ACTR8: variants seen among roughly 807,000 people sequenced by gnomAD.
The protein encoded by ACTR8 is actin related protein 8, also known as actin-related protein 8.
Under a neutral mutation model 84.3 loss-of-function variants are expected in ACTR8, and 70 were observed. The observed-to-expected ratio is 0.83, with a 90% CI of 0.68 to 1.01. The LOEUF (loss-of-function observed/expected upper bound fraction) is 1.01. Ranked by LOEUF, ACTR8 falls within the 50% of genes least tolerant of loss-of-function variation. The pLI is 0.00. For synonymous variants in ACTR8, 268 were observed against 275.2 expected (o/e 0.97, Z 0.26); for missense variants, 672 against 775.4 (o/e 0.87, Z 1.58).
In ACTR8 at chr3:53,880,088, T is replaced by A; in HGVS notation, c.145A>T (p.Ile49Phe). The change falls in exon 2 of 13, where the codon ATT becomes TTT. Residue 49 changes from isoleucine to phenylalanine, a missense_variant. Transcript: ENST00000335754. Reference protein sequence around the residue: ...LQEQIQSNFIIVIHPGSTTLR... With the variant: ...LQEQIQSNFIFVIHPGSTTLR... Reference sequence around the variant, plus strand: ...GTTGTTGAACCTGGATGTATGACAATGATGAAGTTGCTCTGGATTTGCTGC... The same window carrying A: ...GTTGTTGAACCTGGATGTATGACAAAGATGAAGTTGCTCTGGATTTGCTGC... 2 of 1,613,934 alleles carry A rather than the reference T, an allele frequency of 1.2e-6. No individual in the cohort carries two copies. Among genetic ancestry groups the A allele is most frequent in the Non-Finnish European group, 1.7e-6 (2 of 1,179,808 alleles).
the ACTR8 span, chr3:53,860,227 C>G: frequency 6.2e-7 from 1 of 1,607,610 alleles, no homozygotes; most frequent in South Asian, 1.1e-5. Flanking sequence ...TGTGGAGGCA[C>G]GGTAAGGGTT....
At chr3:53,881,835 A>T (rs1315006661) in intron 1 of ACTR8, 144 bp downstream of exon 1, 5 of 1,367,020 alleles carry the variant, frequency 3.7e-6, no homozygotes, top group Non-Finnish European at 4.9e-6. Context: ...CACCACCCGG[A>T]AAAGAACGAC....
intron 9 of ACTR8, 104 bp downstream of exon 9, chr3:53,872,928 G>A: frequency 1.1e-6 from 1 of 908,422 alleles, no homozygotes; most frequent in Non-Finnish European, 1.7e-6. Context: ...ACAATCAGTT[G>A]ACATTCTGAT....
intron 1 of ACTR8, among the ~76,000 whole-genome samples, chr3:53,880,706 C>T (rs1410349515): frequency 6.6e-6 from 1 of 152,212 alleles, no homozygotes; most frequent in East Asian, 1.9e-4. Context: ...TAACTCCAGA[C>T]ATCCTAATCT....
At position 53,879,915 on chromosome 3, in the gene ACTR8, C is replaced by A. The variant is rs759409419; in HGVS notation, c.294+24G>T. 4 of 1,589,582 alleles carry A rather than the reference C, an allele frequency of 2.5e-6. No individual in the cohort carries two copies. In the African/African-American group the frequency reaches 5.4e-5, roughly 21 times the overall value. ...TCCCAGGGAAACAACCTTAGGCTTT[C>A]TCTCCAGGTCGTTTTTGACTTACAT... On this transcript the variant is annotated intron_variant, in intron 2 of 12. Coordinates refer to ENST00000335754, the MANE Select transcript of ACTR8 (RefSeq NM_022899.5).
chr3:53,859,023 C>T, the ACTR8 span: 1 of 490,168 alleles, frequency 2.0e-6, no homozygotes, highest in East Asian at 3.2e-5. Flanking sequence ...TTTGTAAAAC[C>T]ACTCGTGACT....
At chr3:53,881,793 C>G in intron 1 of ACTR8, 186 bp downstream of exon 1, 1 of 950,420 alleles carries the variant, frequency 1.1e-6, no homozygotes. Context: ...CCTGGCGCTC[C>G]GCACCTCCCA....
intron 7 of ACTR8, among the ~76,000 whole-genome samples, chr3:53,874,890 T>G (rs958613592): frequency 1.3e-5 from 2 of 152,216 alleles, no homozygotes; most frequent in African/African-American, 2.4e-5. Flanking sequence ...GTAGTCATGA[T>G]GTTTGCAAAA....
At chr3:53,869,866 C>T (rs761603656) in intron 12 of ACTR8, 116 bp downstream of exon 12, 16 of 1,253,184 alleles carry the variant, frequency 1.3e-5, no homozygotes, top group Non-Finnish European at 1.8e-5. Flanking sequence ...TTCCACTTGC[C>T]CTAAGCCCTC....
At chr3:53,863,226 G>T (rs541979198), downstream of ACTR8, among the ~76,000 whole-genome samples, 1 of 152,198 alleles carries the variant, frequency 6.6e-6, no homozygotes, top group South Asian at 2.1e-4. Context: ...GTTAAGTTGT[G>T]GGAAAATCAA....
At chr3:53,874,485 G>A in intron 7 of ACTR8, 121 bp from the exon 8 acceptor site, 1 of 1,062,286 alleles carries the variant, frequency 9.4e-7, no homozygotes, top group Non-Finnish European at 1.3e-6. Context: ...AGCACTTTGG[G>A]AGGCTGAGAT....
At chr3:53,881,545 C>A (rs984286906) in intron 1 of ACTR8, 4 of 233,578 alleles carry the variant, frequency 1.7e-5, no homozygotes, top group Non-Finnish European at 3.4e-5. Context: ...AGGAAAAAGC[C>A]TGGACCCCAA....
At position 53,868,772 on chromosome 3, in the gene ACTR8, A is replaced by T; in HGVS notation, c.1822T>A (p.Trp608Arg). 1 of 1,614,160 alleles carries T rather than the reference A, an allele frequency of 6.2e-7. No individual in the cohort carries two copies. Among genetic ancestry groups the T allele is most frequent in the Non-Finnish European group, 8.5e-7 (1 of 1,180,024 alleles). ...TQELWIYQREWQRFGVRMLRE... is the reference protein window; with the variant it reads ...TQELWIYQRERQRFGVRMLRE... ...AACATGCGGACACCAAAGCGCTGCC[A>T]CTCTCGCTGATAAATCCACAGTTCC... Residue 608 changes from tryptophan (W) to arginine (R), a missense_variant, in exon 13 of 13, where the codon TGG becomes AGG. Transcript: ENST00000335754.
At chr3:53,864,751 ATCAAGAAGACTTCCTTT>A (rs1416554197), downstream of ACTR8, 3 of 1,604,926 alleles carry the variant, frequency 1.9e-6, no homozygotes, top group South Asian at 3.3e-5. Flanking sequence ...CACAGAAAGG[ATCAAGAAGACTTCCTTT>A]TCTACCACCA....
At chr3:53,881,823 GCCA>G in intron 1 of ACTR8, 153 bp downstream of exon 1, 1 of 1,267,716 alleles carries the variant, frequency 7.9e-7, no homozygotes, top group Non-Finnish European at 1.1e-6. Context: ...GTCCCGGCGC[GCCA>G]CCACCCGGAA....
downstream of ACTR8, chr3:53,864,767 T>C (rs1699719962): frequency 1.2e-6 from 2 of 1,609,498 alleles, no homozygotes. Flanking sequence ...AAGACTTCCT[T>C]TTCTACCACC....
At chr3:53,865,114 C>G (rs1365231375), downstream of ACTR8, 1 of 1,614,094 alleles carries the variant, frequency 6.2e-7, no homozygotes, top group Non-Finnish European at 8.5e-7. Context: ...AAGCCAGATT[C>G]ATCTGCACAA....
Position 53,870,210 on chromosome 3 carries a change from C to G in ACTR8, c.1568-65G>C. 1 of 1,569,352 alleles carries G rather than the reference C, an allele frequency of 6.4e-7. No homozygotes were observed. Among genetic ancestry groups the G allele is most frequent in the Non-Finnish European group, 8.7e-7 (1 of 1,150,864 alleles). ...CATCCATAATTCTAGGCCAAGCCAC[C>G]AACACCTCTTGCTTGAGCAAGTGCA... On this transcript the variant is annotated intron_variant, in intron 11 of 12. Coordinates refer to ENST00000335754, the MANE Select transcript of ACTR8 (RefSeq NM_022899.5). The surrounding 1 kb of genome is among the most constrained non-coding windows in gnomAD (Gnocchi z 4.1).
Position 53,867,212 on chromosome 3 carries a change from T to C in ACTR8, c.*1507A>G, listed in dbSNP as rs1181653014. 1 of 152,214 alleles carries C rather than the reference T, an allele frequency of 6.6e-6. No homozygotes were observed. Among genetic ancestry groups the C allele is most frequent in the Admixed American group, 6.5e-5 (1 of 15,292 alleles). 9.4% of individuals were successfully genotyped at this position (152,214 alleles called of 1,614,324 possible). On this transcript the variant is annotated 3_prime_UTR_variant, in exon 13 of 13. Coordinates refer to ENST00000335754, the MANE Select transcript of ACTR8 (RefSeq NM_022899.5). ...ACAGCTCTACCAGTTATAAGAGCAA[T>C]ATGCTGTTAGGTGAAGAACTGTTTA...
Sources: gnomAD v4.1 joint callset for allele counts (sites outside exome capture counted in the v4.1 genomes callset) on GRCh38, gnomAD v4.1.1 for gene constraint, Gnocchi (gnomAD v3.1) non-coding constraint, MANE v1.5 for transcripts, NCBI Gene and HGNC (gene_info 2026-07-23, HGNC 2026-07-21) for gene names.